The following KMT2D variants were observed in gnomAD, a reference collection of about 807,000 sequenced individuals.
The protein encoded by KMT2D is lysine methyltransferase 2D.
A neutral mutation model predicts 512.7 loss-of-function variants in KMT2D; 55 were observed. The ratio of observed to expected loss-of-function variants is 0.11; its 90% CI spans 0.09 to 0.13. The LOEUF is 0.13. Among genes scored for constraint, KMT2D ranks in the 10% least tolerant of loss-of-function variants. The pLI, the probability that KMT2D is intolerant of heterozygous loss-of-function variation, is 1.00. For missense variants in KMT2D, 6,061 were observed against 7,127.9 expected (o/e 0.85, Z 5.39); for synonymous variants, 2,995 against 2,904.0 (o/e 1.03, Z -1.01).
intron 35 of KMT2D, among the ~76,000 whole-genome samples, chr12:49,036,425 C>CCTCAGG (rs1285078350): frequency 6.6e-6 from 1 of 151,476 alleles, no homozygotes; most frequent in Non-Finnish European, 1.5e-5. Flanking sequence ...AATTCTCCTG[C>CCTCAGG]CTCAGCCTCT....
intron 35 of KMT2D, chr12:49,035,900 C>T (rs947841839): frequency 1.3e-5 from 2 of 152,266 alleles, no homozygotes; most frequent in African/African-American, 2.4e-5. Context: ...AACTCCCTCT[C>T]CTGGAATCCT....
Position 49,060,745 on chromosome 12 carries a change from G to T in KMT2D, c.-1170C>A, listed in dbSNP as rs982579951. On this transcript the variant is annotated 5_prime_UTR_variant, in exon 1 of 55. Coordinates refer to ENST00000301067, the MANE Select transcript of KMT2D (RefSeq NM_003482.4). ...TTTGCCCGGGGCACCCCACTCGAGA[G>T]GGGGAGAAAGGAGAAGAGGCGGCCC... Among the ~76,000 whole-genome samples the T allele has an allele frequency of 2.0e-5, 3 of 152,260 alleles. No individual in the cohort carries two copies. The highest frequency in any genetic ancestry group is 6.5e-5 in the Admixed American group (1 of 15,290).
At position 49,049,777 on chromosome 12, in the gene KMT2D, G is replaced by T. The variant is rs1297008991; in HGVS notation, c.3811C>A (p.Leu1271Ile). 6.2e-7 allele frequency: 1 copy of T among 1,613,684 alleles called. No individual in the cohort carries two copies. Among genetic ancestry groups the T allele is most frequent in the Non-Finnish European group, 8.5e-7 (1 of 1,179,650 alleles). ...ATAGCTGTCCCAGCATCGCACAATAGTGAGTCATCAGTCTCTGGCAGTGAG... is the reference window on the plus strand; with the variant it reads ...ATAGCTGTCCCAGCATCGCACAATATTGAGTCATCAGTCTCTGGCAGTGAG... ...TDSLPETDDS[L>I]LCDAGTAISG... Residue 1271 changes from leucine (L) to isoleucine (I), a missense_variant, in exon 12 of 55, where the codon CTA (leucine) becomes ATA (isoleucine). Coordinates refer to ENST00000301067, the MANE Select transcript of KMT2D (RefSeq NM_003482.4).
In KMT2D at chr12:49,024,306, A is replaced by G. The variant is rs1942468779; in HGVS notation, c.16052+272T>C. On this transcript the variant is annotated intron_variant, in intron 51 of 54. Transcript: ENST00000301067. This position sits in a 1 kb window ranked among gnomAD's most constrained non-coding sequence, Gnocchi z 4.5. ...AGAAAGAGGTGACCAAGTCCCTTAT[A>G]TATTTCATAAAATTTCACCAGTTTA... Among the ~76,000 whole-genome samples the G allele has an allele frequency of 1.3e-5, 2 of 152,274 alleles. No individual in the cohort carries two copies. The highest frequency in any genetic ancestry group is 4.2e-4 in the South Asian group (2 of 4,818).
rs762588573 is a variant in KMT2D at position 49,033,301 on chromosome 12, G to C, written c.11404C>G (p.Leu3802Val). The change falls in exon 40 of 55, where the codon CTG becomes GTG. Residue 3802 changes from leucine to valine, a missense_variant. Coordinates refer to ENST00000301067, the MANE Select transcript of KMT2D (RefSeq NM_003482.4). ...PQPPQGPQGM[L>V]GPAQVAVLQQ... Reference sequence around the variant, plus strand: ...AACACAGCCACCTGGGCAGGGCCCAGCATGCCCTGGGGCCCCTGGGGTGGT... The same window carrying C: ...AACACAGCCACCTGGGCAGGGCCCACCATGCCCTGGGGCCCCTGGGGTGGT... The C allele has an allele frequency of 6.3e-7, 1 of 1,587,936 alleles. No homozygotes were observed. The highest frequency in any genetic ancestry group is 8.6e-7 in the Non-Finnish European group (1 of 1,167,388).
chr12:49,019,097 C>A lies in KMT2D; in HGVS notation c.*2683G>T, dbSNP rs899486040. The stretch of plus-strand genomic sequence containing the variant: ...GTACAGTTCAGAATGATCGCTGATA[C>A]AAAACATGCCAAGGACAGGGGCGCT... On this transcript the variant is annotated 3_prime_UTR_variant, in exon 55 of 55. Transcript: ENST00000301067. 4 of 1,195,238 alleles carry A rather than the reference C, an allele frequency of 3.3e-6. No homozygotes were observed. The African/African-American group carries it at 6.3e-5, about 19-fold the overall frequency. 74.0% of individuals were successfully genotyped at this position (1,195,238 alleles called of 1,614,324 possible).
At chr12:49,047,406 CTT>C (rs57252968) in intron 15 of KMT2D, among the ~76,000 whole-genome samples, 167 of 93,880 alleles carry the variant, frequency 1.8e-3, no homozygotes, top group African/African-American at 6.7e-3. Context: ...CCAGTTTTTC[CTT>C]TTTTTTTTTT....
At position 49,041,489 on chromosome 12, in the gene KMT2D, G is replaced by A. The variant is rs2120547757; in HGVS notation, c.6281C>T (p.Ala2094Val). Residue 2094 changes from alanine to valine, a missense_variant, in exon 32 of 55, where the codon GCC becomes GTC. Physicochemically the swap from Ala to Val is moderately conservative, Grantham distance 64 (BLOSUM62 0). Transcript: ENST00000301067. This position sits in a 1 kb window ranked among gnomAD's most constrained non-coding sequence, Gnocchi z 5.4. ...INKQTKVGDI[A>V]RKTDRPALHL... The stretch of plus-strand genomic sequence containing the variant: ...TAGGGCCGGTCGGTCAGTCTTACGG[G>A]CTATGTCGCCCACCTTGGTCTGCTT... 6.2e-7 allele frequency: 1 copy of A among 1,613,580 alleles called. No individual in the cohort carries two copies. The highest frequency in any genetic ancestry group is 8.5e-7 in the Non-Finnish European group (1 of 1,179,670).
Position 49,049,665 on chromosome 12 carries a change from G to T in KMT2D, c.3906+17C>A, listed in dbSNP as rs544568450. Reference sequence around the variant, plus strand: ...GGGCTAACTCTAATCACATCCCGCAGCTAGATAGCCCCTCACCTGTTTGAT... The same window carrying T: ...GGGCTAACTCTAATCACATCCCGCATCTAGATAGCCCCTCACCTGTTTGAT... On this transcript the variant is annotated intron_variant, in intron 12 of 54. Transcript: ENST00000301067. The T allele has an allele frequency of 6.4e-7, 1 of 1,553,716 alleles. No individual in the cohort carries two copies. Among genetic ancestry groups the T allele is most frequent in the African/African-American group, 1.4e-5 (1 of 73,658 alleles).
In KMT2D at chr12:49,054,313, G is replaced by C. The variant is rs2120707280; in HGVS notation, c.504C>G (p.Ile168Met). ...CGVDKAIFSG[I>M]SQRCSHCTRL... is the part of the protein sequence containing the mutation. The stretch of plus-strand genomic sequence containing the variant: ...TCCCCTGGCCCAGCCCCACCTGTGA[G>C]ATCCCTGAGAAGATGGCCTTGTCCA... The change falls in exon 5 of 55, where the codon ATC becomes ATG. Residue 168 changes from isoleucine (I) to methionine (M), a missense_variant. By Grantham distance (10) the Ile-to-Met change is conservative (BLOSUM62 1). This residue lies in a region of KMT2D where 160 missense variants were observed against 225.8 expected (regional missense o/e 0.71). Transcript: ENST00000301067. This position sits in a 1 kb window ranked among gnomAD's most constrained non-coding sequence, Gnocchi z 6.4. 6.3e-7 allele frequency: 1 copy of C among 1,589,922 alleles called. No homozygotes were observed. Among genetic ancestry groups the C allele is most frequent in the Non-Finnish European group, 8.6e-7 (1 of 1,168,210 alleles).
In KMT2D at chr12:49,030,704, A is replaced by G. The variant is rs376335760; in HGVS notation, c.13736T>C (p.Phe4579Ser). The change falls in exon 42 of 55, where the codon TTT becomes TCT. Residue 4579 changes from phenylalanine to serine, a missense_variant. By Grantham distance (155) the Phe-to-Ser change is radical (BLOSUM62 -2). Transcript: ENST00000301067. ...CCCATTGACTGGGCAGCCACTGCCAAAGGGGGCAAAGAGGCTAAAATTGGC... is the reference window on the plus strand; with the variant it reads ...CCCATTGACTGGGCAGCCACTGCCAGAGGGGGCAAAGAGGCTAAAATTGGC... ...ITANFSLFAP[F>S]GSGCPVNGQS... The G allele has an allele frequency of 1.2e-5, 20 of 1,613,528 alleles. No individual in the cohort carries two copies. Among genetic ancestry groups the G allele is most frequent in the Non-Finnish European group, 1.6e-5 (19 of 1,179,862 alleles).
At position 49,051,203 on chromosome 12, in the gene KMT2D, T is replaced by TG; in HGVS notation, c.2479dup (p.Gln827ProfsTer3). 2 of 1,361,934 alleles carry TG rather than the reference T, an allele frequency of 1.5e-6. No homozygotes were observed. Among genetic ancestry groups the TG allele is most frequent in the Non-Finnish European group, 9.6e-7 (1 of 1,039,016 alleles). The allele number at this position is 1,361,934 out of a possible 1,614,324, so 84.4% of individuals were successfully genotyped here. The stretch of plus-strand genomic sequence containing the variant: ...GGGGGACAGGTGTGATTCCTCAGGT[T>TG]GGGGGGACAAGCATGGCTCCTCAGG... On this transcript the variant is annotated frameshift_variant, in exon 11 of 55. Transcript: ENST00000301067. LOFTEE classifies it high-confidence loss of function.
At chr12:49,052,851 G>C in intron 9 of KMT2D, 64 bp downstream of exon 9, 1 of 1,602,904 alleles carries the variant, frequency 6.2e-7, no homozygotes, top group Non-Finnish European at 8.5e-7. Context: ...AATTTAACAA[G>C]GCCCCTGCCA....
rs111271133 is a variant in KMT2D at position 49,052,777 on chromosome 12, G to T, written c.1113-68C>A. The T allele has an allele frequency of 9.6e-3, 15,246 of 1,591,770 alleles. 1,008 individuals are homozygous for T. In the African/African-American group the frequency reaches 0.16, roughly 17 times the overall value. ...CTAACAAATCCTAGAGAGCACACTG[G>T]GGGGAGGCACGAATGCTGTGGATGG... On this transcript the variant is annotated intron_variant, in intron 9 of 54. Transcript: ENST00000301067.
In KMT2D at chr12:49,019,444, T is replaced by C. The variant is rs1376450231; in HGVS notation, c.*2336A>G. The C allele has an allele frequency of 4.5e-6, 1 of 223,626 alleles. No individual in the cohort carries two copies. Among genetic ancestry groups the C allele is most frequent in the Non-Finnish European group, 8.9e-6 (1 of 111,760 alleles). 13.9% of individuals were successfully genotyped at this position (223,626 alleles called of 1,614,324 possible). ...AAAAAAACCAACCAAAATTCCAACC[T>C]TGTAGCTTGGGTCTGAGTTATAGTT... On this transcript the variant is annotated 3_prime_UTR_variant, in exon 55 of 55. Coordinates refer to ENST00000301067, the MANE Select transcript of KMT2D (RefSeq NM_003482.4).
At chr12:49,055,463 G>T in intron 1 of KMT2D, 102 bp from the exon 2 acceptor site, 1 of 685,632 alleles carries the variant, frequency 1.5e-6, no homozygotes, top group Non-Finnish European at 2.5e-6. Context: ...CCAGACATCA[G>T]AGCAAAGCCA....
rs1943565245 is a variant in KMT2D at position 49,042,097 on chromosome 12, T to G, written c.6101A>C (p.Asp2034Ala). The stretch of plus-strand genomic sequence containing the variant: ...CCTCATCCCACAGGTACCTGGGTAG[T>G]CTTGCTTGAGATTAGGAAAATTAAT... ...ANINFPNLKQ[D>A]YPDWSSRCKQ... Residue 2034 changes from aspartate to alanine, a missense_variant, in exon 29 of 55, where the codon GAC (aspartate) becomes GCC (alanine). Asp to Ala is a moderately radical substitution (Grantham distance 126). Transcript: ENST00000301067. The surrounding 1 kb of genome is among the most constrained non-coding windows in gnomAD (Gnocchi z 4.4). 6.2e-7 allele frequency: 1 copy of G among 1,613,684 alleles called. No homozygotes were observed. The highest frequency in any genetic ancestry group is 1.7e-5 in the Admixed American group (1 of 59,974).
chr12:49,049,138 T>C lies in KMT2D; in HGVS notation c.3987A>G (p.Leu1329=), dbSNP rs1430422811. 6.2e-6 allele frequency: 10 copies of C among 1,611,712 alleles called. No individual in the cohort carries two copies. The highest frequency in any genetic ancestry group is 4.5e-5 in the East Asian group (2 of 44,866). Residue 1329 remains leucine (L), a synonymous_variant, in exon 13 of 55, where the codon CTA becomes CTG. Coordinates refer to ENST00000301067, the MANE Select transcript of KMT2D (RefSeq NM_003482.4). ...HGGRGRGRAR[L]KSTASSIETL... is the part of the protein sequence containing the mutation. ...TCTCAATGGAAGAAGCAGTTGACTT[T>C]AGCCGGGCCCGTCCTCTACCACGTC...
chr12:49,052,849 A>G (rs1036462046), intron 9 of KMT2D, 66 bp downstream of exon 9: 1 of 1,602,538 alleles, frequency 6.2e-7, no homozygotes. Flanking sequence ...TCAATTTAAC[A>G]AGGCCCCTGC....
Sources: gnomAD v4.1 joint callset for allele counts (sites outside exome capture counted in the v4.1 genomes callset) on GRCh38, gnomAD v4.1.1 for gene constraint, gnomAD v4.1.1 regional missense constraint, Gnocchi (gnomAD v3.1) non-coding constraint, MANE v1.5 for transcripts, NCBI Gene and HGNC (gene_info 2026-07-23, HGNC 2026-07-21) for gene names.